GRAMD1C: variants seen among roughly 807,000 people sequenced by gnomAD.
GRAMD1C encodes GRAM domain containing 1C.
A neutral mutation model predicts 97.8 loss-of-function variants in GRAMD1C; 89 were observed. The ratio of observed to expected loss-of-function variants is 0.91; its 90% confidence interval spans 0.77 to 1.09. The LOEUF (loss-of-function observed/expected upper bound fraction) is 1.09. Among genes scored for constraint, GRAMD1C ranks in the 50% least tolerant of loss-of-function variants. The pLI is 0.00. For synonymous variants in GRAMD1C, 256 were observed against 267.0 expected (o/e 0.96, Z 0.40); for missense variants, 740 against 766.4 (o/e 0.97, Z 0.41).
At chr3:113,846,918 C>T (rs1933636258) in intron 2 of GRAMD1C, among the ~76,000 whole-genome samples, 1 of 152,130 alleles carries the variant, frequency 6.6e-6, no homozygotes, top group Non-Finnish European at 1.5e-5. Flanking sequence ...TTCTACAGGT[C>T]AGTTACCCAG....
chr3:113,926,221 C>G (rs1456505330), intron 10 of GRAMD1C, among the ~76,000 whole-genome samples: 1 of 152,090 alleles, frequency 6.6e-6, no homozygotes, highest in African/African-American at 2.4e-5. Context: ...TTACATAATC[C>G]CATGTTTCTC....
chr3:113,906,652 A>AT (rs11436537), intron 8 of GRAMD1C, among the ~76,000 whole-genome samples: 31,359 of 151,238 alleles, frequency 0.21, 3,252 homozygotes, highest in Middle Eastern at 0.24. Flanking sequence ...TGAAAAAACA[A>AT]TTTTTTTTTG....
At chr3:113,891,983 G>A (rs1205774730) in intron 6 of GRAMD1C, among the ~76,000 whole-genome samples, 3 of 151,834 alleles carry the variant, frequency 2.0e-5, no homozygotes, top group Middle Eastern at 6.8e-3. Context: ...GCATGAGAAG[G>A]CCTTTAAAAA....
chr3:113,839,076 A>G, intron 1 of GRAMD1C, 140 bp downstream of exon 1: 1 of 564,288 alleles, frequency 1.8e-6, no homozygotes, highest in Non-Finnish European at 2.6e-6. Flanking sequence ...TAATACGGAA[A>G]GTTGTTACCG....
upstream of GRAMD1C, among the ~76,000 whole-genome samples, chr3:113,837,880 C>G (rs1709665244): frequency 6.6e-6 from 1 of 152,140 alleles, no homozygotes; most frequent in Non-Finnish European, 1.5e-5. Context: ...CGCACTCCAG[C>G]TGGTCTAATA....
intron 8 of GRAMD1C, among the ~76,000 whole-genome samples, chr3:113,908,691 A>G (rs1936453739): frequency 6.6e-6 from 1 of 152,124 alleles, no homozygotes. Flanking sequence ...AGTGATTTAC[A>G]TGATCTGTGA....
chr3:113,934,119 T>A (rs920732157), intron 12 of GRAMD1C, among the ~76,000 whole-genome samples: 2 of 152,192 alleles, frequency 1.3e-5, no homozygotes, highest in Non-Finnish European at 2.9e-5. Flanking sequence ...CACTAGAGAT[T>A]TTTTATACAA....
At chr3:113,847,190 G>A (rs897443236) in intron 2 of GRAMD1C, among the ~76,000 whole-genome samples, 6 of 152,130 alleles carry the variant, frequency 3.9e-5, no homozygotes, top group Admixed American at 3.9e-4. Flanking sequence ...AAGAAACCCA[G>A]ACCTTTGTTT....
chr3:113,879,674 C>T (rs962470235), intron 5 of GRAMD1C, among the ~76,000 whole-genome samples: 18 of 150,742 alleles, frequency 1.2e-4, no homozygotes, highest in East Asian at 1.9e-4. Flanking sequence ...ACACTCCACA[C>T]GGGATGACCT....
chr3:113,942,747 C>T (rs879796640), intron 17 of GRAMD1C, among the ~76,000 whole-genome samples: 24 of 152,244 alleles, frequency 1.6e-4, no homozygotes, highest in African/African-American at 5.3e-4. Flanking sequence ...TTATCCTGCA[C>T]GGAAAATAAA....
chr3:113,904,354 T>A, intron 8 of GRAMD1C, 82 bp downstream of exon 8: 2 of 988,774 alleles, frequency 2.0e-6, no homozygotes, highest in Admixed American at 4.7e-5. Context: ...GGATACAGTA[T>A]ACAAAATGTT....
intron 9 of GRAMD1C, among the ~76,000 whole-genome samples, chr3:113,911,169 G>C (rs1157637058): frequency 2.2e-4 from 1 of 4,558 alleles, no homozygotes; most frequent in East Asian, 7.5e-3. Flanking sequence ...ACAACAGAGA[G>C]AGAGACACAC....
At chr3:113,837,996 C>G (rs887497976), upstream of GRAMD1C, among the ~76,000 whole-genome samples, 1 of 152,206 alleles carries the variant, frequency 6.6e-6, no homozygotes, top group Non-Finnish European at 1.5e-5. Flanking sequence ...TTTTATCATG[C>G]AGATGCAGCC....
intron 5 of GRAMD1C, among the ~76,000 whole-genome samples, 169 bp from the exon 6 acceptor site, chr3:113,882,583 C>T (rs1041822461): frequency 4.6e-5 from 7 of 152,038 alleles, no homozygotes; most frequent in East Asian, 3.8e-4. Context: ...AGCAACTACC[C>T]GTGTTTCTTC....
chr3:113,850,627 C>T (rs568950029), intron 2 of GRAMD1C: 26 of 1,607,560 alleles, frequency 1.6e-5, no homozygotes, highest in Middle Eastern at 4.3e-4. Flanking sequence ...TTCTTGTCTG[C>T]CAGCTCGGGT....
intron 1 of GRAMD1C, among the ~76,000 whole-genome samples, chr3:113,828,853 A>G (rs1309617758): frequency 6.6e-6 from 1 of 152,142 alleles, no homozygotes; most frequent in Non-Finnish European, 1.5e-5. Flanking sequence ...TGCTCATATC[A>G]TAGAACTTAT....
rs557128523 is a variant in GRAMD1C, at chr3:113,879,808, C to T, written c.460-2944C>T. Among the ~76,000 whole-genome samples the T allele has an allele frequency of 3.3e-5, 5 of 151,876 alleles. No homozygotes were observed. In the South Asian group the frequency reaches 8.3e-4, roughly 25 times the overall value. ...TCCCAGGTTCAAGCAACTCTCCTGC[C>T]TCAGCCTCCCAAGTAGCTCAGATTA... On this transcript the variant is annotated intron_variant, in intron 5 of 17. Coordinates refer to ENST00000358160, the MANE Select transcript of GRAMD1C (RefSeq NM_017577.5).
At chr3:113,870,201 TA>T (rs554480440) in intron 3 of GRAMD1C, among the ~76,000 whole-genome samples, 117 of 143,418 alleles carry the variant, frequency 8.2e-4, no homozygotes, top group Admixed American at 7.7e-4. Flanking sequence ...GTCTGTATTA[TA>T]AAAAAAAAAA....
intron 15 of GRAMD1C, chr3:113,938,589 C>T (rs1246923103): frequency 6.5e-6 from 1 of 152,882 alleles, no homozygotes; most frequent in Non-Finnish European, 1.5e-5. Context: ...ACCCCTGTCT[C>T]AGAGATTGAT....
Sources: allele counts gnomAD v4.1 joint callset (sites outside exome capture counted in the v4.1 genomes callset), GRCh38; gene constraint gnomAD v4.1.1; transcripts MANE v1.5; gene names NCBI Gene and HGNC (gene_info 2026-07-23, HGNC 2026-07-21).